The following HDX variants were observed in gnomAD, a reference collection of about 807,000 sequenced individuals.
The protein encoded by HDX is highly divergent homeobox.
A neutral mutation model predicts 45.2 loss-of-function variants in HDX; 19 were observed. The observed-to-expected ratio is 0.42, with a 90% CI of 0.29 to 0.62. The LOEUF (loss-of-function observed/expected upper bound fraction) is 0.62, where lower values mean the gene tolerates loss of function less well. Among genes scored for constraint, HDX ranks in the 20% least tolerant of loss-of-function variants. HDX has a pLI of 0.20. For missense variants in HDX, 532 were observed against 493.9 expected (o/e 1.08, Z -0.73); for synonymous variants, 188 against 172.8 (o/e 1.09, Z -0.69).
intron 4 of HDX, among the ~76,000 whole-genome samples, chrX:84,449,024 A>T (rs1363211138): frequency 9.2e-6 from 1 of 108,431 alleles, no homozygotes; most frequent in Non-Finnish European, 1.9e-5. Context: ...CAAATAAAAA[A>T]TATATTCAAA....
intron 5 of HDX, among the ~76,000 whole-genome samples, chrX:84,420,342 A>G (rs2039222418): frequency 2.7e-5 from 3 of 112,299 alleles, no homozygotes; most frequent in South Asian, 3.7e-4. Flanking sequence ...CAATGGGCAT[A>G]CTGAAGAATG....
At chrX:84,501,409 A>T (rs1783295702) in intron 1 of HDX, 1 of 111,772 alleles carries the variant, frequency 8.9e-6, no homozygotes, top group Admixed American at 9.5e-5. Context: ...AGAAAAAGGC[A>T]AGAAAGGAAA....
intron 5 of HDX, among the ~76,000 whole-genome samples, chrX:84,405,831 A>G (rs1167951593): frequency 1.8e-5 from 2 of 110,270 alleles, no homozygotes; most frequent in Admixed American, 9.8e-5. Flanking sequence ...GAAAAGATCT[A>G]TGCAACAGCA....
At chrX:84,349,503 A>C (rs754986131) in intron 6 of HDX, among the ~76,000 whole-genome samples, 64 of 96,662 alleles carry the variant, frequency 6.6e-4, no homozygotes, top group Non-Finnish European at 1.1e-3. Context: ...GGGTTGTTAC[A>C]TATATGTATA....
At chrX:84,412,199 T>C (rs1199184889) in intron 5 of HDX, among the ~76,000 whole-genome samples, 1 of 111,804 alleles carries the variant, frequency 8.9e-6, no homozygotes, top group African/African-American at 3.3e-5. Context: ...GATCCTGTTG[T>C]CATGCTGCTA....
chrX:84,475,518 T>C, intron 2 of HDX, 121 bp from the exon 3 acceptor site: 1 of 435,910 alleles, frequency 2.3e-6, no homozygotes, highest in Non-Finnish European at 3.8e-6. Flanking sequence ...GTAAGTGAAT[T>C]AATCCCCAGT....
chrX:84,333,698 T>C (rs889451424), intron 9 of HDX, 61 bp downstream of exon 9: 12 of 480,466 alleles, frequency 2.5e-5, no homozygotes, highest in Non-Finnish European at 4.1e-5. Context: ...ATATAGGTAT[T>C]GTAAAATTCT....
chrX:84,417,254 G>A (rs192592776), intron 5 of HDX, among the ~76,000 whole-genome samples: 3 of 80,054 alleles, frequency 3.7e-5, no homozygotes, highest in African/African-American at 8.6e-5. Context: ...GAAAGAAAGA[G>A]AAAGTCCCAG....
chrX:84,440,958 A>G lies in HDX; in HGVS notation c.1252-373T>C, dbSNP rs185395711. Among the ~76,000 whole-genome samples the G allele has an allele frequency of 2.7e-5, 3 of 110,719 alleles. No individual in the cohort carries two copies. In the East Asian group the frequency reaches 8.4e-4, roughly 31 times the overall value. Reference sequence around the variant, plus strand: ...AGTATAGAATAGAGTAGGCCCCCGTATCCACAGATAATATACTCTGAGACA... The same window carrying G: ...AGTATAGAATAGAGTAGGCCCCCGTGTCCACAGATAATATACTCTGAGACA... On this transcript the variant is annotated intron_variant, in intron 4 of 10. Coordinates refer to ENST00000373177, the MANE Select transcript of HDX (RefSeq NM_001177479.2).
At chrX:84,433,138 T>C (rs779617897) in intron 5 of HDX, among the ~76,000 whole-genome samples, 3 of 111,903 alleles carry the variant, frequency 2.7e-5, no homozygotes, top group Non-Finnish European at 5.6e-5. Context: ...TTTAACTCTG[T>C]TGTTTGCTTT....
intron 5 of HDX, among the ~76,000 whole-genome samples, chrX:84,380,956 T>C (rs1383225191): frequency 3.6e-5 from 4 of 111,313 alleles, no homozygotes; most frequent in African/African-American, 1.3e-4. Flanking sequence ...TATGATCTTA[T>C]ATTTGGAAAA....
At chrX:84,488,956 T>C (rs1052243346) in intron 1 of HDX, among the ~76,000 whole-genome samples, 3 of 111,648 alleles carry the variant, frequency 2.7e-5, no homozygotes, top group African/African-American at 9.8e-5. Context: ...ATGCTGTCAG[T>C]GGGCTTGCCT....
intron 1 of HDX, among the ~76,000 whole-genome samples, chrX:84,498,698 A>C (rs1023519320): frequency 9.0e-6 from 1 of 111,715 alleles, no homozygotes; most frequent in African/African-American, 3.2e-5. Flanking sequence ...TATTTTTTCA[A>C]TCAAGACTGA....
chrX:84,449,099 A>C (rs908125457), intron 4 of HDX, among the ~76,000 whole-genome samples: 2 of 109,401 alleles, frequency 1.8e-5, no homozygotes, highest in African/African-American at 6.6e-5. Context: ...GTCTTTTGAA[A>C]TAACCCAGTC....
intron 8 of HDX, 87 bp from the exon 9 acceptor site, chrX:84,333,929 T>C (rs2036898490): frequency 2.4e-6 from 1 of 408,194 alleles, no homozygotes; most frequent in African/African-American, 2.6e-5. Flanking sequence ...ATTCAATGTT[T>C]AGGTTATCTA....
intron 5 of HDX, among the ~76,000 whole-genome samples, chrX:84,421,693 C>T (rs780675065): frequency 9.6e-6 from 1 of 103,851 alleles, no homozygotes; most frequent in East Asian, 3.1e-4. Context: ...TCTATAAAGA[C>T]ACATAGGCTG....
At chrX:84,358,465 C>T (rs974639371) in intron 6 of HDX, among the ~76,000 whole-genome samples, 26 of 112,006 alleles carry the variant, frequency 2.3e-4, no homozygotes, top group Admixed American at 2.1e-3. Context: ...AATTCCTCTT[C>T]AGTCATTTTT....
chrX:84,440,846 G>C (rs1195378062), intron 4 of HDX, among the ~76,000 whole-genome samples: 1 of 110,353 alleles, frequency 9.1e-6, no homozygotes, highest in East Asian at 2.8e-4. Context: ...ACGATTGTTG[G>C]GACTCTGTTG....
At chrX:84,475,194 G>A (rs2148154086) in intron 3 of HDX, 57 bp downstream of exon 3, 1 of 1,015,214 alleles carries the variant, frequency 9.9e-7, no homozygotes, top group South Asian at 2.2e-5. Flanking sequence ...CTCATATTAA[G>A]CAAATATCAC....
Sources: allele counts gnomAD v4.1 joint callset (sites outside exome capture counted in the v4.1 genomes callset), GRCh38; gene constraint gnomAD v4.1.1; transcripts MANE v1.5; gene names NCBI Gene and HGNC (gene_info 2026-07-23, HGNC 2026-07-21).